Variants in CHRM3 observed in about 807,000 individuals in gnomAD.
CHRM3 encodes cholinergic receptor muscarinic 3, also known as muscarinic acetylcholine receptor M3.
CHRM3 carries 11 observed loss-of-function variants against 41.8 expected under a neutral mutation model. The ratio of observed to expected loss-of-function variants is 0.26; its 90% CI spans 0.17 to 0.44. CHRM3 has a LOEUF of 0.44. Among genes scored for constraint, CHRM3 ranks in the 20% least tolerant of loss-of-function variants. The pLI, the probability that CHRM3 is intolerant of heterozygous loss-of-function variation, is 1.00. For missense variants in CHRM3, 571 were observed against 745.4 expected (o/e 0.77, Z 2.72); for synonymous variants, 297 against 301.4 (o/e 0.99, Z 0.15).
At chr1:239,646,394 A>T (rs748148684) in intron 4 of CHRM3, among the ~76,000 whole-genome samples, 2 of 152,204 alleles carry the variant, frequency 1.3e-5, no homozygotes, top group Non-Finnish European at 2.9e-5. Flanking sequence ...ATGATGCTGG[A>T]TATAAGTTAT....
chr1:239,883,127 A>G lies in CHRM3; in HGVS notation c.-19-24306A>G, dbSNP rs566145718. Among the ~76,000 whole-genome samples, 3 of 152,280 alleles carry G rather than the reference A, an allele frequency of 2.0e-5. No individual in the cohort carries two copies. In the South Asian group the frequency reaches 6.2e-4, roughly 32 times the overall value. On this transcript the variant is annotated intron_variant, in intron 6 of 6. Transcript: ENST00000676153. ...ATTGAAACACACACAACAACATTTAATCACTCACTCAGTGGGATAAATGAC... is the reference window on the plus strand; with the variant it reads ...ATTGAAACACACACAACAACATTTAGTCACTCACTCAGTGGGATAAATGAC...
intron 6 of CHRM3, among the ~76,000 whole-genome samples, chr1:239,856,965 A>G (rs1393561539): frequency 6.6e-6 from 1 of 152,232 alleles, no homozygotes; most frequent in Admixed American, 6.5e-5. Flanking sequence ...TCTCTGTAGC[A>G]CATTAATAGT....
intron 1 of CHRM3, among the ~76,000 whole-genome samples, chr1:239,453,312 A>G (rs1172346113): frequency 6.6e-6 from 1 of 152,240 alleles, no homozygotes; most frequent in Admixed American, 6.5e-5. Context: ...ATGTTTATCT[A>G]TGCAAAATAA....
chr1:239,586,325 A>G (rs1051721345), intron 3 of CHRM3, among the ~76,000 whole-genome samples: 12 of 152,146 alleles, frequency 7.9e-5, no homozygotes, highest in African/African-American at 2.4e-4. Context: ...AAGCTTATTA[A>G]TACATAACTG....
At chr1:239,830,165 G>C (rs1434485280) in intron 6 of CHRM3, among the ~76,000 whole-genome samples, 4 of 152,106 alleles carry the variant, frequency 2.6e-5, no homozygotes, top group Non-Finnish European at 4.4e-5. Context: ...CTAAGTATTT[G>C]TGGAAATTCT....
intron 3 of CHRM3, among the ~76,000 whole-genome samples, chr1:239,587,547 G>A (rs934649961): frequency 3.9e-5 from 6 of 152,216 alleles, no homozygotes; most frequent in Non-Finnish European, 7.3e-5. Flanking sequence ...AATGCAGTAT[G>A]AGGGGCAATT....
At chr1:239,522,865 T>C (rs1240657702) in intron 2 of CHRM3, among the ~76,000 whole-genome samples, 1 of 152,160 alleles carries the variant, frequency 6.6e-6, no homozygotes, top group Non-Finnish European at 1.5e-5. Flanking sequence ...TGTAGTGGTG[T>C]AGCAAAATTT....
At chr1:239,469,804 G>A (rs753220447) in intron 1 of CHRM3, among the ~76,000 whole-genome samples, 19 of 152,038 alleles carry the variant, frequency 1.2e-4, no homozygotes, top group Admixed American at 2.6e-4. Context: ...TGATTCGCCC[G>A]CCTTGGCCTC....
chr1:239,606,916 T>A (rs1341339700), intron 3 of CHRM3, among the ~76,000 whole-genome samples: 4 of 152,176 alleles, frequency 2.6e-5, no homozygotes, highest in Admixed American at 1.3e-4. Context: ...ACCCAAGACT[T>A]AAGCCCTGAA....
At chr1:239,656,178 G>C (rs777811595) in intron 4 of CHRM3, among the ~76,000 whole-genome samples, 3 of 151,896 alleles carry the variant, frequency 2.0e-5, no homozygotes, top group Non-Finnish European at 4.4e-5. Flanking sequence ...GGGGGGAAAG[G>C]GTTGAAAAAT....
At chr1:239,882,122 G>A (rs1677696371) in intron 6 of CHRM3, among the ~76,000 whole-genome samples, 1 of 152,018 alleles carries the variant, frequency 6.6e-6, no homozygotes, top group Admixed American at 6.6e-5. Context: ...TGGCCAGGCT[G>A]GTCTCGAACT....
chr1:239,453,880 A>G (rs1572358002), intron 1 of CHRM3, among the ~76,000 whole-genome samples: 1 of 152,286 alleles, frequency 6.6e-6, no homozygotes, highest in East Asian at 1.9e-4. Flanking sequence ...GTGGCTCCCC[A>G]GTGAAGGGAG....
At chr1:239,570,027 A>G (rs1191121731) in intron 3 of CHRM3, among the ~76,000 whole-genome samples, 1 of 152,162 alleles carries the variant, frequency 6.6e-6, no homozygotes, top group East Asian at 1.9e-4. Flanking sequence ...CAACAACAAC[A>G]AAAGAAAGTT....
intron 6 of CHRM3, among the ~76,000 whole-genome samples, chr1:239,887,726 T>C (rs7419179): frequency 0.079 from 12,053 of 152,200 alleles, 1,431 homozygotes; most frequent in African/African-American, 0.26. Context: ...AGTATACAAG[T>C]TTTTTAAAGT....
chr1:239,415,948 A>G (rs1661467406), intron 1 of CHRM3, among the ~76,000 whole-genome samples: 1 of 152,196 alleles, frequency 6.6e-6, no homozygotes, highest in Non-Finnish European at 1.5e-5. Flanking sequence ...CTTACTCGGT[A>G]AAAATTAAGG....
intron 5 of CHRM3, among the ~76,000 whole-genome samples, chr1:239,774,095 A>G (rs1047766515): frequency 6.6e-6 from 1 of 152,112 alleles, no homozygotes; most frequent in Non-Finnish European, 1.5e-5. Flanking sequence ...TATTGGGAGG[A>G]CTAAACCAAG....
rs570355536 is a variant in CHRM3 at position 239,641,881 on chromosome 1, C to T, written c.-250+9595C>T. Among the ~76,000 whole-genome samples the T allele has an allele frequency of 4.7e-5, 6 of 127,664 alleles. 2 individuals are homozygous for T. In the East Asian group the frequency reaches 6.1e-4, roughly 13 times the overall value. 83.8% of individuals were successfully genotyped at this position (127,664 alleles called of 152,430 possible). On this transcript the variant is annotated intron_variant, in intron 4 of 6. Coordinates refer to ENST00000676153, the MANE Select transcript of CHRM3 (RefSeq NM_001375978.1). The stretch of plus-strand genomic sequence containing the variant: ...AGTCTTGATGGTCTTTACAATTTGG[C>T]GTGATTTTGCAGTGGCTGGTACCGG...
At chr1:239,571,931 C>A (rs976177595) in intron 3 of CHRM3, among the ~76,000 whole-genome samples, 4 of 152,236 alleles carry the variant, frequency 2.6e-5, no homozygotes, top group Non-Finnish European at 5.9e-5. Flanking sequence ...TCTTTGACTT[C>A]TTTTCCCAAG....
chr1:239,587,573 A>G (rs566725865), intron 3 of CHRM3, among the ~76,000 whole-genome samples: 31 of 152,330 alleles, frequency 2.0e-4, no homozygotes, highest in Admixed American at 6.5e-4. Flanking sequence ...CCAACTGTAC[A>G]ATGAAATATA....
Sources: allele counts gnomAD v4.1 joint callset (sites outside exome capture counted in the v4.1 genomes callset), GRCh38; gene constraint gnomAD v4.1.1; transcripts MANE v1.5; gene names NCBI Gene and HGNC (gene_info 2026-07-23, HGNC 2026-07-21).